JAKMIP1: variants seen among roughly 807,000 people sequenced by gnomAD.
JAKMIP1 encodes janus kinase and microtubule interacting protein 1.
Under a neutral mutation model 113.0 loss-of-function variants are expected in JAKMIP1, and 33 were observed. The ratio of observed to expected loss-of-function variants is 0.29; its 90% CI spans 0.22 to 0.39. JAKMIP1 has a LOEUF of 0.39. Ranked by LOEUF, JAKMIP1 falls within the 10% of genes least tolerant of loss-of-function variation. The probability of loss-of-function intolerance (pLI) is 1.00; values close to 1 mark genes in which losing one functional copy is unlikely to be tolerated. For missense variants in JAKMIP1, 813 were observed against 1,080.5 expected, an observed-to-expected ratio of 0.75 and a Z score of 3.47; for synonymous variants, 480 against 459.9, an observed-to-expected ratio of 1.04 and a Z score of -0.56.
Position 6,136,883 on chromosome 4 carries a change from GA to G in JAKMIP1, c.-147-23887del, listed in dbSNP as rs1227622875. ...CTACCCATCACATAACAGGCATTTA[GA>G]CACAGTTGCGTTGAAGTTTGGCAAG... On this transcript the variant is annotated intron_variant, in intron 1 of 20. Transcript: ENST00000409021. This position sits in a 1 kb window ranked among gnomAD's most constrained non-coding sequence, Gnocchi z 5.9. 1.3e-5 allele frequency among the ~76,000 whole-genome samples: 2 copies of G among 152,178 alleles called. No homozygotes were observed. Among genetic ancestry groups the G allele is most frequent in the African/African-American group, 4.8e-5 (2 of 41,446 alleles).
intron 3 of JAKMIP1, among the ~76,000 whole-genome samples, chr4:6,102,910 T>G (rs1164710283): frequency 1.3e-5 from 2 of 151,780 alleles, no homozygotes; most frequent in African/African-American, 2.4e-5. Flanking sequence ...ATTTTTTGTA[T>G]TTTTAGTAGA....
At position 6,157,985 on chromosome 4, in the gene JAKMIP1, C is replaced by T. The variant is rs1393555598; in HGVS notation, c.-148+42268G>A. ...CACTTCATTCTCCCAAAGAACACAGCTTCTACAACTTCAGAAGAGTTATCT... is the reference window on the plus strand; with the variant it reads ...CACTTCATTCTCCCAAAGAACACAGTTTCTACAACTTCAGAAGAGTTATCT... On this transcript the variant is annotated intron_variant, in intron 1 of 20. Coordinates refer to ENST00000409021, the MANE Select transcript of JAKMIP1 (RefSeq NM_001099433.2). The surrounding 1 kb of genome is among the most constrained non-coding windows in gnomAD (Gnocchi z 4.7). 1.3e-5 allele frequency among the ~76,000 whole-genome samples: 2 copies of T among 152,160 alleles called. No homozygotes were observed. The highest frequency in any genetic ancestry group is 2.9e-5 in the Non-Finnish European group (2 of 68,026).
At chr4:6,166,031 C>T (rs1578436583) in intron 1 of JAKMIP1, among the ~76,000 whole-genome samples, 1 of 152,136 alleles carries the variant, frequency 6.6e-6, no homozygotes, top group East Asian at 1.9e-4. Flanking sequence ...CACGTCACCT[C>T]CTGGGTACCT....
At chr4:6,113,031 C>CA in intron 1 of JAKMIP1, 34 bp from the exon 2 acceptor site, 1 of 984,334 alleles carries the variant, frequency 1.0e-6, no homozygotes, top group Non-Finnish European at 1.4e-6. Context: ...TTAGCAGAGA[C>CA]AGAAGGGTGG....
rs1720120724 is a variant in JAKMIP1, at chr4:6,141,319, C to T, written c.-147-28322G>A. ...GGGGTGGTGGCGCGCATCTGTAATC[C>T]CAGCTACTTGACAGGCTGAGGCAGG... On this transcript the variant is annotated intron_variant, in intron 1 of 20. Transcript: ENST00000409021. This position sits in a 1 kb window ranked among gnomAD's most constrained non-coding sequence, Gnocchi z 9.4. Among the ~76,000 whole-genome samples, 1 of 151,986 alleles carries T rather than the reference C, an allele frequency of 6.6e-6. No homozygotes were observed. Among genetic ancestry groups the T allele is most frequent in the African/African-American group, 2.4e-5 (1 of 41,314 alleles).
chr4:6,158,813 G>T lies in JAKMIP1; in HGVS notation c.-148+41440C>A, dbSNP rs2108998083. On this transcript the variant is annotated intron_variant, in intron 1 of 20. Transcript: ENST00000409021. The surrounding 1 kb of genome is among the most constrained non-coding windows in gnomAD (Gnocchi z 5.3). ...GAATTTAAAACACATACTGGGCCGG[G>T]CGTGGTGACTCACACCTGTAATCTC... is the stretch of plus-strand genomic sequence containing the variant. 6.6e-6 allele frequency among the ~76,000 whole-genome samples: 1 copy of T among 152,300 alleles called. No homozygotes were observed. The highest frequency in any genetic ancestry group is 3.4e-3 in the Middle Eastern group (1 of 294).
rs1455176538 is a variant in JAKMIP1 at position 6,081,308 on chromosome 4, T to C, written c.1101+301A>G. ...TGTTATTTCATCCTCTTGATGATCC[T>C]CCAGTGTGGATATTTTCATTCCCAT... is the stretch of plus-strand genomic sequence containing the variant. On this transcript the variant is annotated intron_variant, in intron 6 of 20. Transcript: ENST00000409021. The surrounding 1 kb of genome is among the most constrained non-coding windows in gnomAD (Gnocchi z 4.6). Among the ~76,000 whole-genome samples, 1 of 152,208 alleles carries C rather than the reference T, an allele frequency of 6.6e-6. No homozygotes were observed. Among genetic ancestry groups the C allele is most frequent in the East Asian group, 1.9e-4 (1 of 5,196 alleles).
chr4:6,181,593 C>T lies in JAKMIP1; in HGVS notation c.-148+18660G>A, dbSNP rs1242800372. Among the ~76,000 whole-genome samples the T allele has an allele frequency of 6.6e-6, 1 of 152,134 alleles. No homozygotes were observed. Among genetic ancestry groups the T allele is most frequent in the African/African-American group, 2.4e-5 (1 of 41,440 alleles). ...GGTGCCAGCGTGGTGAGGGAAGGGACATCCAAAGTGGGCTGTGGAAGGGGT... is the reference window on the plus strand; with the variant it reads ...GGTGCCAGCGTGGTGAGGGAAGGGATATCCAAAGTGGGCTGTGGAAGGGGT... On this transcript the variant is annotated intron_variant, in intron 1 of 20. Coordinates refer to ENST00000409021, the MANE Select transcript of JAKMIP1 (RefSeq NM_001099433.2). This position sits in a 1 kb window ranked among gnomAD's most constrained non-coding sequence, Gnocchi z 5.4.
rs541495940 is a variant in JAKMIP1, at chr4:6,071,574, G to T, written c.1303-6566C>A. Among the ~76,000 whole-genome samples the T allele has an allele frequency of 6.2e-4, 94 of 152,330 alleles. 1 individual carries two copies. Among genetic ancestry groups the T allele is most frequent in the African/African-American group, 2.2e-3 (90 of 41,570 alleles). On this transcript the variant is annotated intron_variant, in intron 8 of 20. Transcript: ENST00000409021. ...ATTACCTAGAACCACCATAGGTAAT[G>T]GCACCTGTCCCTTCCCAAGTCTGCA...
intron 2 of JAKMIP1, 60 bp downstream of exon 2, chr4:6,112,661 GC>G (rs1459406806): frequency 1.9e-6 from 3 of 1,579,372 alleles, no homozygotes; most frequent in Non-Finnish European, 1.7e-6. Context: ...TGCCTCAGAG[GC>G]AACACTGCCC....
chr4:6,103,852 T>G (rs6446456), intron 3 of JAKMIP1, among the ~76,000 whole-genome samples: 1 of 152,152 alleles, frequency 6.6e-6, no homozygotes, highest in Admixed American at 6.5e-5. Flanking sequence ...ATTTTTGATA[T>G]TAGTAATTTA....
chr4:6,148,489 C>T (rs574442308), intron 1 of JAKMIP1, among the ~76,000 whole-genome samples: 2 of 152,378 alleles, frequency 1.3e-5, no homozygotes, highest in South Asian at 2.1e-4. Flanking sequence ...CACTTGGAAT[C>T]GGAATGCTTT....
chr4:6,109,911 T>C (rs777727078), intron 2 of JAKMIP1, among the ~76,000 whole-genome samples: 2 of 152,140 alleles, frequency 1.3e-5, no homozygotes, highest in Non-Finnish European at 2.9e-5. Flanking sequence ...AGCAGCCAGA[T>C]GGGTAAAGTC....
chr4:6,180,152 G>T lies in JAKMIP1; in HGVS notation c.-148+20101C>A, dbSNP rs1402327422. 6.6e-6 allele frequency among the ~76,000 whole-genome samples: 1 copy of T among 152,112 alleles called. No individual in the cohort carries two copies. Among genetic ancestry groups the T allele is most frequent in the African/African-American group, 2.4e-5 (1 of 41,396 alleles). On this transcript the variant is annotated intron_variant, in intron 1 of 20. Transcript: ENST00000409021. This position sits in a 1 kb window ranked among gnomAD's most constrained non-coding sequence, Gnocchi z 4.5. ...CAACACTTTCATAAACAGCAGTTTTGAAATACCCCAGTTCATGAAATGCTT... is the reference window on the plus strand; with the variant it reads ...CAACACTTTCATAAACAGCAGTTTTTAAATACCCCAGTTCATGAAATGCTT...
intron 1 of JAKMIP1, among the ~76,000 whole-genome samples, chr4:6,127,788 C>T (rs773371430): frequency 9.9e-5 from 15 of 152,260 alleles, no homozygotes; most frequent in South Asian, 8.3e-4. Context: ...CTCGGGCTCA[C>T]CCTTGGCAGC....
In JAKMIP1 at chr4:6,039,300, AG is replaced by A. The variant is rs1349067697; in HGVS notation, c.2175+1338del. On this transcript the variant is annotated intron_variant, in intron 18 of 20. Coordinates refer to ENST00000409021, the MANE Select transcript of JAKMIP1 (RefSeq NM_001099433.2). Reference sequence around the variant, plus strand: ...GTTCTGCAAGATGTCCCTTGAAAAAAGGTCCAGTGATTCACTGAACTTGGCA... The same window carrying A: ...GTTCTGCAAGATGTCCCTTGAAAAAAGTCCAGTGATTCACTGAACTTGGCA... Among the ~76,000 whole-genome samples the A allele has an allele frequency of 2.6e-5, 4 of 152,314 alleles. No homozygotes were observed. In the East Asian group the frequency reaches 7.7e-4, roughly 29 times the overall value.
chr4:6,169,343 TCAGA>T (rs886126584), intron 1 of JAKMIP1, among the ~76,000 whole-genome samples: 5 of 152,026 alleles, frequency 3.3e-5, no homozygotes, highest in African/African-American at 4.8e-5. Context: ...TAAAAGATAC[TCAGA>T]CAGACGCAGC....
chr4:6,185,283 G>A lies in JAKMIP1; in HGVS notation c.-148+14970C>T, dbSNP rs530664770. Among the ~76,000 whole-genome samples the A allele has an allele frequency of 1.8e-3, 269 of 152,198 alleles. No individual in the cohort carries two copies. The highest frequency in any genetic ancestry group is 6.3e-3 in the African/African-American group (263 of 41,528). Reference sequence around the variant, plus strand: ...CGAGAACCCTGACTAATACAAGTGGGAACCAGCCCTGTCTGCCCTAGTTCT... The same window carrying A: ...CGAGAACCCTGACTAATACAAGTGGAAACCAGCCCTGTCTGCCCTAGTTCT... On this transcript the variant is annotated intron_variant, in intron 1 of 20. Transcript: ENST00000409021. The surrounding 1 kb of genome is among the most constrained non-coding windows in gnomAD (Gnocchi z 5.3).
intron 1 of JAKMIP1, among the ~76,000 whole-genome samples, chr4:6,175,338 T>C (rs1032401872): frequency 6.6e-6 from 1 of 152,218 alleles, no homozygotes; most frequent in Admixed American, 6.5e-5. Context: ...ATGTTTCATC[T>C]CTACCAACGG....
Sources: allele counts gnomAD v4.1 joint callset (sites outside exome capture counted in the v4.1 genomes callset), GRCh38; gene constraint gnomAD v4.1.1; non-coding constraint Gnocchi (gnomAD v3.1); transcripts MANE v1.5; gene names NCBI Gene and HGNC (gene_info 2026-07-23, HGNC 2026-07-21).